Variants in TLK1 observed in about 807,000 individuals in gnomAD.
The protein encoded by TLK1 is serine/threonine-protein kinase tousled-like 1.
Under a neutral mutation model 105.3 loss-of-function variants are expected in TLK1, and 24 were observed. The ratio of observed to expected loss-of-function variants is 0.23; its 90% CI spans 0.17 to 0.32. The LOEUF (loss-of-function observed/expected upper bound fraction) is 0.32. Ranked by LOEUF, TLK1 falls within the 10% of genes least tolerant of loss-of-function variation. The probability of loss-of-function intolerance (pLI) is 1.00; values close to 1 mark genes in which losing one functional copy is unlikely to be tolerated. For missense variants in TLK1, 558 were observed against 910.5 expected (o/e 0.61, Z 4.98); for synonymous variants, 321 against 310.4 (o/e 1.03, Z -0.36).
chr2:171,067,056 C>T (rs1688031255), intron 3 of TLK1: 3 of 1,359,480 alleles, frequency 2.2e-6, no homozygotes, highest in East Asian at 2.6e-5. Flanking sequence ...TATCATACCC[C>T]TACAAACATT....
intron 1 of TLK1, among the ~76,000 whole-genome samples, chr2:171,146,116 G>C (rs972507153): frequency 6.6e-6 from 1 of 152,094 alleles, no homozygotes; most frequent in African/African-American, 2.4e-5. Flanking sequence ...TAAAATTAGA[G>C]TACTTGAACT....
At chr2:171,118,751 A>C (rs1690535861) in intron 1 of TLK1, among the ~76,000 whole-genome samples, 1 of 152,206 alleles carries the variant, frequency 6.6e-6, no homozygotes, top group Non-Finnish European at 1.5e-5. Context: ...ATATTACCAG[A>C]ATCCAGAATG....
intron 1 of TLK1, among the ~76,000 whole-genome samples, chr2:171,196,053 G>A (rs141777691): frequency 9.9e-4 from 47 of 47,512 alleles, no homozygotes; most frequent in Middle Eastern, 0.011. Context: ...AAAAAAAAAA[G>A]AAAGAAAGAA....
intron 1 of TLK1, among the ~76,000 whole-genome samples, chr2:171,122,802 A>G (rs1690706881): frequency 6.6e-6 from 1 of 151,990 alleles, no homozygotes. Context: ...ACGTTGGGAG[A>G]CTGAGGAGGG....
rs896093501 is a variant in TLK1 at position 171,194,116 on chromosome 2, C to T, written c.-6+37029G>A. On this transcript the variant is annotated intron_variant, in intron 1 of 20. Coordinates refer to the TLK1 transcript ENST00000521943. ...AAAGCAAATGGCTTACACACCAGTACATGAAGGGCATAGTTGGGGCTCGCC... is the reference window on the plus strand; with the variant it reads ...AAAGCAAATGGCTTACACACCAGTATATGAAGGGCATAGTTGGGGCTCGCC... Among the ~76,000 whole-genome samples, 4 of 152,162 alleles carry T rather than the reference C, an allele frequency of 2.6e-5. No individual in the cohort carries two copies. In the East Asian group the frequency reaches 5.8e-4, roughly 22 times the overall value.
In TLK1 at chr2:171,094,237, T is replaced by C. The variant is rs1202661231; in HGVS notation, c.259-11385A>G. ...TAAAGAGTAGGGGCAGAAGCACTGCTAGAAATGAAATTAGTAGTCTAGAAA... is the reference window on the plus strand; with the variant it reads ...TAAAGAGTAGGGGCAGAAGCACTGCCAGAAATGAAATTAGTAGTCTAGAAA... On this transcript the variant is annotated intron_variant, in intron 2 of 20. Coordinates refer to ENST00000431350, the MANE Select transcript of TLK1 (RefSeq NM_012290.5). 5.3e-5 allele frequency among the ~76,000 whole-genome samples: 8 copies of C among 152,180 alleles called. 1 individual carries two copies. In the South Asian group the frequency reaches 1.0e-3, roughly 20 times the overall value.
At chr2:171,043,830 G>A (rs544989275) in intron 11 of TLK1, among the ~76,000 whole-genome samples, 59 of 152,006 alleles carry the variant, frequency 3.9e-4, no homozygotes, top group African/African-American at 8.7e-4. Context: ...TCCTCCCACC[G>A]CAGCCTTCCA....
rs16859211 is a variant in TLK1, at chr2:171,206,505, C to A, written c.-6+24640G>T. ...ACCCCTTGTCTGCATGGAGATGAAA[C>A]CTTTAAGGGGCCTATCACTTCTAGG... On this transcript the variant is annotated intron_variant, in intron 1 of 20. Transcript: ENST00000521943. Among the ~76,000 whole-genome samples the A allele has an allele frequency of 4.7e-3, 710 of 152,192 alleles. 17 individuals are homozygous for A. In the East Asian group the frequency reaches 0.052, roughly 11 times the overall value.
chr2:171,031,630 T>C (rs1382710051), intron 11 of TLK1, among the ~76,000 whole-genome samples: 2 of 152,208 alleles, frequency 1.3e-5, no homozygotes, highest in Non-Finnish European at 2.9e-5. Flanking sequence ...ATTTTTATTA[T>C]GCACACATAA....
intron 3 of TLK1, chr2:171,067,009 C>T: frequency 6.7e-7 from 1 of 1,497,676 alleles, no homozygotes; most frequent in Non-Finnish European, 8.9e-7. Flanking sequence ...CAACTTTTGA[C>T]CCATTGTGAC....
At chr2:171,205,564 T>A (rs1575658577) in intron 1 of TLK1, among the ~76,000 whole-genome samples, 2 of 152,062 alleles carry the variant, frequency 1.3e-5, no homozygotes, top group Admixed American at 1.3e-4. Context: ...GCTCAAGCGA[T>A]CCTCCCACCT....
intron 11 of TLK1, among the ~76,000 whole-genome samples, chr2:171,033,677 C>A (rs890111363): frequency 6.7e-6 from 1 of 150,314 alleles, no homozygotes; most frequent in Non-Finnish European, 1.5e-5. Flanking sequence ...ATCATGTACC[C>A]TGTACATTGG....
At chr2:171,143,202 G>T (rs1691654714) in intron 1 of TLK1, among the ~76,000 whole-genome samples, 1 of 152,112 alleles carries the variant, frequency 6.6e-6, no homozygotes, top group South Asian at 2.1e-4. Flanking sequence ...AGACAAGTAA[G>T]GTTAGTACAA....
chr2:171,204,370 T>C lies in TLK1; in HGVS notation c.-6+26775A>G, dbSNP rs535399690. Among the ~76,000 whole-genome samples, 4 of 152,282 alleles carry C rather than the reference T, an allele frequency of 2.6e-5. No individual in the cohort carries two copies. In the East Asian group the frequency reaches 7.7e-4, roughly 29 times the overall value. ...GCCCAGATTTGGTCTTAAATTCTAG[T>C]AACCACTAAAAGTAGCTAATGCCAT... On this transcript the variant is annotated intron_variant, in intron 1 of 20. Coordinates refer to the TLK1 transcript ENST00000521943.
intron 11 of TLK1, among the ~76,000 whole-genome samples, chr2:171,028,809 T>C (rs1369337707): frequency 1.3e-5 from 2 of 152,016 alleles, no homozygotes; most frequent in East Asian, 3.9e-4. Context: ...CACTCTATAG[T>C]GGAAGTAAGC....
At chr2:171,043,724 G>C (rs1407444775) in intron 11 of TLK1, among the ~76,000 whole-genome samples, 1 of 152,156 alleles carries the variant, frequency 6.6e-6, no homozygotes, top group African/African-American at 2.4e-5. Context: ...TAGAGTTAAA[G>C]CTAACACATA....
chr2:171,029,691 T>C (rs1352953082), intron 11 of TLK1, among the ~76,000 whole-genome samples: 2 of 152,102 alleles, frequency 1.3e-5, no homozygotes, highest in African/African-American at 4.8e-5. Context: ...TTCATGGTTA[T>C]CTTATTATTT....
intron 3 of TLK1, among the ~76,000 whole-genome samples, chr2:171,076,827 T>C (rs1266145192): frequency 1.3e-5 from 2 of 150,528 alleles, no homozygotes; most frequent in South Asian, 2.1e-4. Flanking sequence ...GGCAGGAGAA[T>C]GGCGTGAACC....
chr2:171,097,663 A>G (rs1282104014), intron 2 of TLK1, among the ~76,000 whole-genome samples: 1 of 152,178 alleles, frequency 6.6e-6, no homozygotes. Context: ...GGTGGCTCAC[A>G]TCTGTAATCC....
Sources: allele counts gnomAD v4.1 joint callset (sites outside exome capture counted in the v4.1 genomes callset), GRCh38; gene constraint gnomAD v4.1.1; transcripts MANE v1.5; gene names NCBI Gene and HGNC (gene_info 2026-07-23, HGNC 2026-07-21).